Variants in PMF1 observed in about 807,000 individuals in gnomAD.
The protein encoded by PMF1 is polyamine-modulated factor 1.
In PMF1, 21 loss-of-function variants were observed where a neutral mutation model predicts 26.7. That is an observed-to-expected ratio of 0.79 (90% CI 0.56 to 1.13). The LOEUF (loss-of-function observed/expected upper bound fraction) is 1.13. Ranked by LOEUF, PMF1 falls within the 50% of genes most tolerant of loss-of-function variation. The probability of loss-of-function intolerance (pLI) is 0.00; values close to 1 mark genes in which losing one functional copy is unlikely to be tolerated. For missense variants in PMF1, 266 were observed against 254.9 expected (o/e 1.04, Z -0.30); for synonymous variants, 105 against 101.0 (o/e 1.04, Z -0.24).
intron 4 of PMF1, chr1:156,236,774 G>A (rs563335508): frequency 2.1e-5 from 9 of 438,702 alleles, no homozygotes; most frequent in South Asian, 8.8e-5. Flanking sequence ...AGGTAACAGC[G>A]CCTCCACATC....
intron 1 of PMF1, among the ~76,000 whole-genome samples, chr1:156,218,045 C>A (rs988143141): frequency 1.3e-5 from 2 of 152,176 alleles, no homozygotes; most frequent in Non-Finnish European, 2.9e-5. Flanking sequence ...GGGTTTTTTA[C>A]CATTCTAATA....
In PMF1 at chr1:156,213,692, C is replaced by T. The variant is rs543458438; in HGVS notation, c.161+516C>T. On this transcript the variant is annotated intron_variant, in intron 1 of 4. Coordinates refer to ENST00000368277, the MANE Select transcript of PMF1 (RefSeq NM_007221.4). Reference sequence around the variant, plus strand: ...AGCAAGACGTAAGCCCCCTCTCCCTCGTCGGCTTCTTGTCAGTCAAGTGAC... The same window carrying T: ...AGCAAGACGTAAGCCCCCTCTCCCTTGTCGGCTTCTTGTCAGTCAAGTGAC... Among the ~76,000 whole-genome samples, 240 of 152,186 alleles carry T rather than the reference C, an allele frequency of 1.6e-3. 1 individual carries two copies. The highest frequency in any genetic ancestry group is 5.4e-3 in the African/African-American group (224 of 41,548).
intron 1 of PMF1, among the ~76,000 whole-genome samples, chr1:156,226,907 T>C (rs1399743949): frequency 1.3e-5 from 2 of 152,246 alleles, no homozygotes; most frequent in South Asian, 2.1e-4. Flanking sequence ...CAAGAGACCA[T>C]CCCGTCATGG....
At chr1:156,237,410 T>C (rs1659083929) in intron 4 of PMF1, 1 of 152,126 alleles carries the variant, frequency 6.6e-6, no homozygotes, top group Non-Finnish European at 1.5e-5. Context: ...TGAGATCAAC[T>C]TTTCTCTGCA....
chr1:156,237,446 C>CTTTTTTT (rs33952725), intron 4 of PMF1, among the ~76,000 whole-genome samples: 1 of 123,384 alleles, frequency 8.1e-6, no homozygotes, highest in South Asian at 2.5e-4. Flanking sequence ...TATTTTTTGT[C>CTTTTTTT]TTTTTTTTTT....
intron 4 of PMF1, 86 bp downstream of exon 4, chr1:156,236,569 C>T (rs1285896989): frequency 2.0e-6 from 3 of 1,487,070 alleles, no homozygotes; most frequent in Non-Finnish European, 2.7e-6. Flanking sequence ...CATTCCAACA[C>T]AGGGGACCCC....
At chr1:156,227,739 C>A (rs1040880497) in intron 1 of PMF1, among the ~76,000 whole-genome samples, 9 of 151,702 alleles carry the variant, frequency 5.9e-5, no homozygotes, top group Admixed American at 5.9e-4. Flanking sequence ...TTCAAGTGAT[C>A]CCCCTGCCTT....
At chr1:156,227,501 T>TCA (rs1558193320) in intron 1 of PMF1, among the ~76,000 whole-genome samples, 1 of 92,808 alleles carries the variant, frequency 1.1e-5, no homozygotes, top group African/African-American at 4.0e-5. Flanking sequence ...TTTATTTTAT[T>TCA]TTATTTTTTT....
chr1:156,213,522 A>C (rs746187119), intron 1 of PMF1, among the ~76,000 whole-genome samples: 58 of 152,134 alleles, frequency 3.8e-4, no homozygotes, highest in South Asian at 1.0e-3. Flanking sequence ...CCCAGGCTGG[A>C]GTGCAGTGGC....
chr1:156,236,837 C>T (rs1203913052), intron 4 of PMF1: 1 of 293,138 alleles, frequency 3.4e-6, no homozygotes, highest in Non-Finnish European at 6.4e-6. Context: ...TGACCACTGC[C>T]CAACATAGAT....
At chr1:156,234,405 A>G (rs542980782) in intron 3 of PMF1, among the ~76,000 whole-genome samples, 7 of 152,268 alleles carry the variant, frequency 4.6e-5, no homozygotes, top group Middle Eastern at 3.4e-3. Flanking sequence ...TGGAATCACC[A>G]TGTACATCTT....
intron 1 of PMF1, among the ~76,000 whole-genome samples, chr1:156,229,331 C>G (rs1469896735): frequency 6.6e-6 from 1 of 151,842 alleles, no homozygotes; most frequent in Non-Finnish European, 1.5e-5. Flanking sequence ...TGCTTACAAC[C>G]AGCTCTCTGA....
intron 1 of PMF1, among the ~76,000 whole-genome samples, chr1:156,215,311 T>G (rs975880905): frequency 2.0e-5 from 3 of 152,082 alleles, no homozygotes; most frequent in African/African-American, 7.2e-5. Flanking sequence ...CAGAGTAAAA[T>G]GAGATGAGGC....
intron 4 of PMF1, among the ~76,000 whole-genome samples, chr1:156,238,468 C>T (rs1489951580): frequency 2.0e-5 from 3 of 152,200 alleles, no homozygotes; most frequent in Non-Finnish European, 4.4e-5. Context: ...GGCTGCACCA[C>T]AATGAGACAG....
intron 1 of PMF1, among the ~76,000 whole-genome samples, chr1:156,220,155 G>A (rs1278650982): frequency 3.3e-5 from 5 of 152,062 alleles, no homozygotes; most frequent in African/African-American, 4.8e-5. Context: ...TAGCAGAGAC[G>A]GGGTTTCACT....
chr1:156,213,466 G>T (rs1037858140), intron 1 of PMF1, among the ~76,000 whole-genome samples: 13 of 152,180 alleles, frequency 8.5e-5, no homozygotes, highest in Admixed American at 6.5e-4. Context: ...TTAGAGCAGG[G>T]TTTTTTATTT....
At chr1:156,224,658 G>A (rs1402627096) in intron 1 of PMF1, among the ~76,000 whole-genome samples, 1 of 151,862 alleles carries the variant, frequency 6.6e-6, no homozygotes, top group African/African-American at 2.4e-5. Context: ...CAGCTACTCG[G>A]GAGGCTGAGG....
intron 1 of PMF1, among the ~76,000 whole-genome samples, chr1:156,216,260 G>T (rs911057242): frequency 1.3e-5 from 2 of 151,912 alleles, no homozygotes; most frequent in African/African-American, 4.8e-5. Context: ...GCCTAGTGGC[G>T]CATGCCTGTA....
At chr1:156,221,233 G>A (rs948532675) in intron 1 of PMF1, among the ~76,000 whole-genome samples, 6 of 152,138 alleles carry the variant, frequency 3.9e-5, no homozygotes, top group African/African-American at 1.4e-4. Context: ...CTAGGCCCGG[G>A]CTACCTCTTG....
Sources: gnomAD v4.1 joint callset for allele counts (sites outside exome capture counted in the v4.1 genomes callset) on GRCh38, gnomAD v4.1.1 for gene constraint, MANE v1.5 for transcripts, NCBI Gene and HGNC (gene_info 2026-07-23, HGNC 2026-07-21) for gene names.